Variants in VSTM4 observed in about 807,000 individuals in gnomAD.
The protein encoded by VSTM4 is V-set and transmembrane domain-containing protein 4.
VSTM4 carries 20 observed loss-of-function variants against 36.4 expected under a neutral mutation model. The ratio of observed to expected loss-of-function variants is 0.55; its 90% confidence interval spans 0.39 to 0.80. VSTM4 has a LOEUF of 0.80. Ranked by LOEUF, VSTM4 falls within the 30% of genes least tolerant of loss-of-function variation. The probability of loss-of-function intolerance (pLI) is 0.00; values close to 1 mark genes in which losing one functional copy is unlikely to be tolerated. For missense variants in VSTM4, 392 were observed against 404.5 expected (o/e 0.97, Z 0.26); for synonymous variants, 182 against 173.9 (o/e 1.05, Z -0.37).
rs2244704 is a variant in VSTM4 at position 49,018,807 on chromosome 10, T to C, written c.*843A>G. ...CTGAGGGCACCTGGCAGCAGACACC[T>C]TCAGGGGCTGAATCAGAGGTGACTG... On this transcript the variant is annotated 3_prime_UTR_variant, in exon 8 of 8. Coordinates refer to ENST00000332853, the MANE Select transcript of VSTM4 (RefSeq NM_001031746.5). The C allele has an allele frequency of 0.88, 134,398 of 152,324 alleles. 59,920 individuals are homozygous for C. The highest frequency in any genetic ancestry group is 0.98 in the East Asian group (5,073 of 5,178). 9.4% of individuals were successfully genotyped at this position (152,324 alleles called of 1,614,324 possible).
At chr10:49,105,326 A>G (rs1844758634) in intron 2 of VSTM4, among the ~76,000 whole-genome samples, 2 of 64,678 alleles carry the variant, frequency 3.1e-5, no homozygotes, top group Middle Eastern at 7.0e-3. Flanking sequence ...AAAGAGAGAG[A>G]GACGGGGGGG....
intron 5 of VSTM4, among the ~76,000 whole-genome samples, chr10:49,061,795 A>G (rs1024863574): frequency 6.6e-6 from 1 of 152,216 alleles, no homozygotes; most frequent in Non-Finnish European, 1.5e-5. Context: ...TATAAAAAGC[A>G]TACCAGTTGG....
chr10:49,091,829 T>C (rs1844480425), intron 2 of VSTM4, among the ~76,000 whole-genome samples: 1 of 152,192 alleles, frequency 6.6e-6, no homozygotes, highest in African/African-American at 2.4e-5. Context: ...CGCCCCTAAT[T>C]CCTTTAACAA....
At chr10:49,075,998 C>T (rs1288358720) in intron 4 of VSTM4, among the ~76,000 whole-genome samples, 2 of 152,196 alleles carry the variant, frequency 1.3e-5, no homozygotes, top group East Asian at 3.9e-4. Context: ...AAAGCTGCAG[C>T]TAACGCATGG....
At chr10:49,115,210 C>T (rs981692554) in intron 1 of VSTM4, among the ~76,000 whole-genome samples, 1 of 152,066 alleles carries the variant, frequency 6.6e-6, no homozygotes, top group African/African-American at 2.4e-5. Context: ...GGGACGGGGA[C>T]CGCGCTCACG....
rs149403505 is a variant in VSTM4, at chr10:49,017,629, G to T, written c.*2021C>A. 1.3e-5 allele frequency: 2 copies of T among 152,140 alleles called. No homozygotes were observed. Among genetic ancestry groups the T allele is most frequent in the Non-Finnish European group, 2.9e-5 (2 of 68,042 alleles). The allele number at this position is 152,140 out of a possible 1,614,324, so 9.4% of individuals were successfully genotyped here. On this transcript the variant is annotated 3_prime_UTR_variant, in exon 8 of 8. Transcript: ENST00000332853. ...TTGGGGGTGAATGAAGTTCATTTCCGTTCTGTAGAGGCCTAAGGGGCCTGG... is the reference window on the plus strand; with the variant it reads ...TTGGGGGTGAATGAAGTTCATTTCCTTTCTGTAGAGGCCTAAGGGGCCTGG...
chr10:49,109,939 C>A (rs1287299516), intron 1 of VSTM4, among the ~76,000 whole-genome samples: 1 of 152,234 alleles, frequency 6.6e-6, no homozygotes, highest in Non-Finnish European at 1.5e-5. Context: ...GACATTTCTT[C>A]CTCACTGCTG....
rs184770430 is a variant in VSTM4 at position 49,046,885 on chromosome 10, A to C, written c.837+98T>G. 1.1e-4 allele frequency: 141 copies of C among 1,254,790 alleles called. No homozygotes were observed. In the African/African-American group the frequency reaches 1.9e-3, roughly 17 times the overall value. The allele number at this position is 1,254,790 out of a possible 1,614,324, so 77.7% of individuals were successfully genotyped here. A position where few individuals can be genotyped will look rare whatever the true frequency, so the allele number is the denominator to read the frequency against. ...TTGTTTGGGGACAAAAGTTTCTAAA[A>C]CTTTCTGTATGTTTTGAGTTAATAA... On this transcript the variant is annotated intron_variant, in intron 7 of 7. Coordinates refer to ENST00000332853, the MANE Select transcript of VSTM4 (RefSeq NM_001031746.5).
chr10:49,033,411 TATA>T (rs1178663139), intron 7 of VSTM4, among the ~76,000 whole-genome samples: 6 of 141,484 alleles, frequency 4.2e-5, no homozygotes, highest in Non-Finnish European at 9.4e-5. Context: ...ATTGGGAATA[TATA>T]ATAAATATGG....
rs184345261 is a variant in VSTM4, at chr10:49,074,042, C to G, written c.634+3177G>C. On this transcript the variant is annotated intron_variant, in intron 4 of 7. Coordinates refer to ENST00000332853, the MANE Select transcript of VSTM4 (RefSeq NM_001031746.5). ...CCTGGATATTACAGCCCATCTGTGT[C>G]TGTCTATGCTGATCCTTGTCCCCTG... is the stretch of plus-strand genomic sequence containing the variant. Among the ~76,000 whole-genome samples the G allele has an allele frequency of 3.2e-3, 486 of 152,356 alleles. 1 individual carries two copies. The highest frequency in any genetic ancestry group is 0.01 in the Middle Eastern group (3 of 294).
intron 3 of VSTM4, among the ~76,000 whole-genome samples, chr10:49,080,041 C>T (rs1844251769): frequency 6.6e-6 from 1 of 152,150 alleles, no homozygotes; most frequent in Non-Finnish European, 1.5e-5. Flanking sequence ...TTAACAATCT[C>T]TTACTATTGG....
At chr10:49,069,927 C>T (rs1438157016) in intron 4 of VSTM4, among the ~76,000 whole-genome samples, 1 of 152,166 alleles carries the variant, frequency 6.6e-6, no homozygotes, top group Non-Finnish European at 1.5e-5. Flanking sequence ...TGTGAGATCA[C>T]ACCAGATGAT....
At chr10:49,073,239 C>T (rs1283234368) in intron 4 of VSTM4, among the ~76,000 whole-genome samples, 1 of 152,178 alleles carries the variant, frequency 6.6e-6, no homozygotes, top group Non-Finnish European at 1.5e-5. Flanking sequence ...GCCTGAGCAA[C>T]CTTCTTGGGC....
intron 2 of VSTM4, among the ~76,000 whole-genome samples, chr10:49,089,912 T>C (rs763187534): frequency 9.9e-5 from 15 of 152,218 alleles, no homozygotes; most frequent in Admixed American, 3.3e-4. Context: ...AAGGGCTGTG[T>C]AGTGGACAAT....
intron 7 of VSTM4, among the ~76,000 whole-genome samples, chr10:49,034,337 T>G (rs1843395300): frequency 6.6e-6 from 1 of 152,196 alleles, no homozygotes. Context: ...AACCAAGCAT[T>G]AAAACCAAAT....
At chr10:49,095,834 G>A (rs1410573964) in intron 2 of VSTM4, among the ~76,000 whole-genome samples, 1 of 152,158 alleles carries the variant, frequency 6.6e-6, no homozygotes, top group African/African-American at 2.4e-5. Flanking sequence ...TGAGGCTGGG[G>A]CCCCAGGAGG....
At chr10:49,105,330 G>C (rs367831428) in intron 2 of VSTM4, among the ~76,000 whole-genome samples, 1 of 79,556 alleles carries the variant, frequency 1.3e-5, no homozygotes, top group Non-Finnish European at 2.3e-5. Context: ...AGAGAGAGAC[G>C]GGGGGGGGAG....
At chr10:49,035,939 C>T (rs764302688) in intron 7 of VSTM4, among the ~76,000 whole-genome samples, 6 of 152,194 alleles carry the variant, frequency 3.9e-5, no homozygotes, top group African/African-American at 9.7e-5. Context: ...GTCTCTGACA[C>T]AGCTGAGAAG....
intron 7 of VSTM4, among the ~76,000 whole-genome samples, chr10:49,034,567 G>C (rs1333623208): frequency 6.6e-6 from 1 of 152,156 alleles, no homozygotes. Context: ...TAATAAATTA[G>C]AATTGATTCT....
Sources: allele counts gnomAD v4.1 joint callset (sites outside exome capture counted in the v4.1 genomes callset), GRCh38; gene constraint gnomAD v4.1.1; transcripts MANE v1.5; gene names NCBI Gene and HGNC (gene_info 2026-07-23, HGNC 2026-07-21).